Variants in CFAP91 observed in about 807,000 individuals in gnomAD.
CFAP91 encodes cilia- and flagella-associated protein 91.
A neutral mutation model predicts 95.9 loss-of-function variants in CFAP91; 85 were observed. That is an observed-to-expected ratio of 0.89 (90% CI 0.74 to 1.06). The LOEUF is 1.06. CFAP91 is among the 50% of genes least tolerant of loss of function. The probability of loss-of-function intolerance (pLI) is 0.00; values close to 1 mark genes in which losing one functional copy is unlikely to be tolerated. For synonymous variants in CFAP91, 335 were observed against 327.5 expected, an observed-to-expected ratio of 1.02 and a Z score of -0.25; for missense variants, 962 against 943.4, an observed-to-expected ratio of 1.02 and a Z score of -0.26.
At chr3:119,733,306 C>T in intron 9 of CFAP91, 58 bp from the exon 10 acceptor site, 1 of 1,570,962 alleles carries the variant, frequency 6.4e-7, no homozygotes, top group South Asian at 1.2e-5. Context: ...TAACAATATA[C>T]CTTAAAAATA....
intron 7 of CFAP91, among the ~76,000 whole-genome samples, chr3:119,728,040 A>G (rs146530069): frequency 1.3e-5 from 2 of 150,320 alleles, no homozygotes; most frequent in Admixed American, 6.6e-5. Context: ...TGATGATGAT[A>G]ATGATGATGA....
At position 119,726,306 on chromosome 3, in the gene CFAP91, T is replaced by C; in HGVS notation, c.818T>C (p.Met273Thr). The change falls in exon 7 of 18, where the codon ATG becomes ACG. Residue 273 changes from methionine to threonine, a missense_variant. Met to Thr is a moderately conservative substitution (Grantham distance 81, BLOSUM62 -1). Coordinates refer to ENST00000273390, the MANE Select transcript of CFAP91 (RefSeq NM_033364.4). ...FEKRRKMMNEMERKEWAFREQ... is the reference protein window; with the variant it reads ...FEKRRKMMNETERKEWAFREQ... Reference sequence around the variant, plus strand: ...AAGAGGAGGAAAATGATGAATGAAATGGAGAGGAAGGAGTGGGCCTTCAGA... The same window carrying C: ...AAGAGGAGGAAAATGATGAATGAAACGGAGAGGAAGGAGTGGGCCTTCAGA... The C allele has an allele frequency of 6.2e-7, 1 of 1,613,556 alleles. No homozygotes were observed. Among genetic ancestry groups the C allele is most frequent in the African/African-American group, 1.3e-5 (1 of 74,974 alleles).
At position 119,737,532 on chromosome 3, in the gene CFAP91, G is replaced by C. The variant is rs775960203; in HGVS notation, c.1461+50G>C. 8.8e-6 allele frequency: 10 copies of C among 1,137,390 alleles called. No homozygotes were observed. In the Admixed American group the frequency reaches 1.8e-4, roughly 20 times the overall value. The allele number at this position is 1,137,390 out of a possible 1,614,324, so 70.5% of individuals were successfully genotyped here. A position where few individuals can be genotyped will look rare whatever the true frequency, so the allele number is the denominator to read the frequency against. On this transcript the variant is annotated intron_variant, in intron 11 of 17. Coordinates refer to ENST00000273390, the MANE Select transcript of CFAP91 (RefSeq NM_033364.4). Reference sequence around the variant, plus strand: ...AATGCTAAATTCAATATCATTGTCAGCTTATTCTTAGGATAGTTTAGCTTA... The same window carrying C: ...AATGCTAAATTCAATATCATTGTCACCTTATTCTTAGGATAGTTTAGCTTA...
At chr3:119,713,122 TA>T (rs2053506719) in intron 5 of CFAP91, 1 of 149,756 alleles carries the variant, frequency 6.7e-6, no homozygotes, top group Non-Finnish European at 1.5e-5. Context: ...TTTATTTATT[TA>T]TTTATTTATT....
intron 10 of CFAP91, among the ~76,000 whole-genome samples, chr3:119,733,837 G>A (rs1012010296): frequency 2.6e-5 from 4 of 152,048 alleles, no homozygotes; most frequent in South Asian, 2.1e-4. Context: ...TAATAGGCCC[G>A]ATTTTCTCCC....
rs950602970 is a variant in CFAP91, at chr3:119,708,584, A to G, written c.360-7A>G. On this transcript the variant is annotated splice_region_variant and splice_polypyrimidine_tract_variant and intron_variant, in intron 3 of 17. Transcript: ENST00000273390. ...GACTTGAATAATGTTTTCTTGCTTC[A>G]TTTTAGAACTGACGCTTCTTTTCAG... 31 of 1,576,342 alleles carry G rather than the reference A, an allele frequency of 2.0e-5. No homozygotes were observed. The highest frequency in any genetic ancestry group is 2.5e-5 in the Non-Finnish European group (29 of 1,154,946).
At chr3:119,764,240 A>G (rs79150703) in intron 17 of CFAP91, among the ~76,000 whole-genome samples, 5,397 of 152,198 alleles carry the variant, frequency 0.035, 303 homozygotes, top group African/African-American at 0.12. Context: ...CAATTGTTCC[A>G]TGGATAACTG....
chr3:119,739,158 C>A (rs575027738), intron 11 of CFAP91, 97 bp from the exon 12 acceptor site: 3 of 964,000 alleles, frequency 3.1e-6, no homozygotes, highest in East Asian at 2.4e-5. Context: ...TGGCATCTAG[C>A]ACAGTCTGTT....
intron 13 of CFAP91, among the ~76,000 whole-genome samples, chr3:119,741,722 A>C (rs185462713): frequency 6.6e-6 from 1 of 152,338 alleles, no homozygotes; most frequent in East Asian, 1.9e-4. Context: ...AGTAATACTT[A>C]AAGTTAATAT....
chr3:119,725,234 C>G (rs527848343), intron 6 of CFAP91, among the ~76,000 whole-genome samples: 2 of 152,324 alleles, frequency 1.3e-5, no homozygotes, highest in East Asian at 1.9e-4. Context: ...ATCCTCAAAA[C>G]TTGATCCAGG....
chr3:119,744,405 T>C (rs1214853755), intron 14 of CFAP91, among the ~76,000 whole-genome samples: 1 of 152,158 alleles, frequency 6.6e-6, no homozygotes, highest in Non-Finnish European at 1.5e-5. Flanking sequence ...TAACACATAA[T>C]ACGCACGTGT....
At chr3:119,747,687 C>A (rs2054249971) in intron 15 of CFAP91, 124 bp from the exon 16 acceptor site, 15 of 782,168 alleles carry the variant, frequency 1.9e-5, no homozygotes, top group Non-Finnish European at 2.9e-5. Context: ...TATTTCAGAT[C>A]ACTTAATCAA....
chr3:119,714,122 G>A (rs963189386), intron 5 of CFAP91, among the ~76,000 whole-genome samples: 2 of 152,032 alleles, frequency 1.3e-5, no homozygotes, highest in Non-Finnish European at 1.5e-5. Flanking sequence ...CAGCACTTTG[G>A]GAGGCAGAGA....
intron 1 of CFAP91, 28 bp downstream of exon 1, chr3:119,703,250 C>T (rs2053291291): frequency 6.2e-7 from 1 of 1,608,514 alleles, no homozygotes; most frequent in East Asian, 2.2e-5. Context: ...CCTTCCTCCG[C>T]GTCCGTCGCC....
chr3:119,724,350 A>G (rs1045958442), intron 6 of CFAP91, among the ~76,000 whole-genome samples: 6 of 152,162 alleles, frequency 3.9e-5, no homozygotes, highest in African/African-American at 1.4e-4. Context: ...TCAATGTGGT[A>G]GTTAAAAGGT....
In CFAP91 at chr3:119,747,239, A is replaced by C. The variant is rs753629441; in HGVS notation, c.2027A>C (p.Asp676Ala). 6.2e-7 allele frequency: 1 copy of C among 1,613,606 alleles called. No individual in the cohort carries two copies. Among genetic ancestry groups the C allele is most frequent in the Admixed American group, 1.7e-5 (1 of 59,982 alleles). ...GAGAAGATGGCTGAGAAAATCAATG[A>C]CATTGCTTATGAAATGGAAAGCCGG... is the stretch of plus-strand genomic sequence containing the variant. ...EIEKMAEKIN[D>A]IAYEMESRRT... The change falls in exon 15 of 18, where the codon GAC becomes GCC. Residue 676 changes from aspartate (D) to alanine (A), a missense_variant. Physicochemically the swap from Asp to Ala is moderately radical, Grantham distance 126. Transcript: ENST00000273390.
chr3:119,764,913 T>A (rs1326375955), intron 17 of CFAP91, 139 bp from the exon 18 acceptor site: 1 of 152,198 alleles, frequency 6.6e-6, no homozygotes, highest in Admixed American at 6.5e-5. Flanking sequence ...ATAGCAGAGC[T>A]GGGATATGTG....
At chr3:119,746,536 T>TC (rs1361246733) in intron 14 of CFAP91, among the ~76,000 whole-genome samples, 2 of 152,226 alleles carry the variant, frequency 1.3e-5, no homozygotes, top group Non-Finnish European at 2.9e-5. Context: ...CAGCATTATG[T>TC]CCTCATGAAA....
In CFAP91 at chr3:119,747,864, TGATCCCA is replaced by T; in HGVS notation, c.2108_2114del (p.Ile703ArgfsTer11). 4 of 1,613,722 alleles carry T rather than the reference TGATCCCA, an allele frequency of 2.5e-6. No homozygotes were observed. The highest frequency in any genetic ancestry group is 3.4e-6 in the Non-Finnish European group (4 of 1,179,800). On this transcript the variant is annotated frameshift_variant, in exon 16 of 18. Transcript: ENST00000273390. LOFTEE classifies it high-confidence loss of function. Reference sequence around the variant, plus strand: ...GTTGCTGAGTTGGTTTATAGTTTTCTGATCCCAGAGGTGCAAAAATACTTTGTCAAAG... The same window carrying T: ...GTTGCTGAGTTGGTTTATAGTTTTCTGAGGTGCAAAAATACTTTGTCAAAG...
Sources: gnomAD v4.1 joint callset for allele counts (sites outside exome capture counted in the v4.1 genomes callset) on GRCh38, gnomAD v4.1.1 for gene constraint, MANE v1.5 for transcripts, NCBI Gene and HGNC (gene_info 2026-07-23, HGNC 2026-07-21) for gene names.